The following TECRL variants were observed in gnomAD, a reference collection of about 807,000 sequenced individuals.
TECRL encodes trans-2,3-enoyl-CoA reductase-like.
TECRL carries 63 observed loss-of-function variants against 52.8 expected under a neutral mutation model. That is an observed-to-expected ratio of 1.19 (90% CI 0.97 to 1.47). TECRL has a LOEUF of 1.47. Among genes scored for constraint, TECRL ranks in the 40% most tolerant of loss-of-function variants. TECRL has a pLI of 0.00. For synonymous variants in TECRL, 164 were observed against 141.9 expected (o/e 1.16, Z -1.10); for missense variants, 482 against 429.6 (o/e 1.12, Z -1.08).
At chr4:64,277,176 G>T, downstream of TECRL, 2 of 579,960 alleles carry the variant, frequency 3.4e-6, no homozygotes, top group South Asian at 2.9e-5. Context: ...GGAGCAACTG[G>T]CATAAGGGAG....
intron 5 of TECRL, among the ~76,000 whole-genome samples, chr4:64,313,476 C>CTTTTTT (rs565143298): frequency 3.0e-5 from 2 of 66,334 alleles, no homozygotes; most frequent in African/African-American, 1.1e-4. Flanking sequence ...TGCCTTACTC[C>CTTTTTT]TTTTTTTTTT....
intron 2 of TECRL, among the ~76,000 whole-genome samples, chr4:64,368,041 A>G (rs984145734): frequency 2.6e-5 from 4 of 152,090 alleles, no homozygotes; most frequent in African/African-American, 9.7e-5. Flanking sequence ...CACATATACT[A>G]TGAAAAAGCT....
chr4:64,359,888 G>A (rs1382041335), intron 2 of TECRL, among the ~76,000 whole-genome samples: 2 of 152,090 alleles, frequency 1.3e-5, no homozygotes, highest in African/African-American at 2.4e-5. Context: ...CATTTGCAAT[G>A]CCAAATACAG....
At chr4:64,315,914 A>C (rs2110014917) in intron 4 of TECRL, among the ~76,000 whole-genome samples, 1 of 152,218 alleles carries the variant, frequency 6.6e-6, no homozygotes, top group South Asian at 2.1e-4. Flanking sequence ...TGTGAGAAGT[A>C]AAAACAATGC....
intron 4 of TECRL, among the ~76,000 whole-genome samples, 173 bp from the exon 5 acceptor site, chr4:64,314,936 C>T (rs568469629): frequency 7.9e-5 from 12 of 152,016 alleles, no homozygotes; most frequent in African/African-American, 2.9e-4. Flanking sequence ...GGGGAGAAAG[C>T]CTAATATATG....
chr4:64,385,760 A>G (rs1723137624), intron 1 of TECRL, among the ~76,000 whole-genome samples: 1 of 151,978 alleles, frequency 6.6e-6, no homozygotes, highest in South Asian at 2.1e-4. Flanking sequence ...CTCTGGAATA[A>G]TGTCATCGTG....
intron 1 of TECRL, among the ~76,000 whole-genome samples, chr4:64,375,730 T>C (rs962080212): frequency 6.6e-6 from 1 of 151,862 alleles, no homozygotes; most frequent in African/African-American, 2.4e-5. Flanking sequence ...TAAAGGTCCA[T>C]TAAAATGCAT....
chr4:64,299,478 A>T (rs531311835), intron 8 of TECRL, among the ~76,000 whole-genome samples: 44 of 151,256 alleles, frequency 2.9e-4, no homozygotes, highest in African/African-American at 9.6e-4. Context: ...ACCCAGATTG[A>T]TTTCCACACA....
intron 9 of TECRL, among the ~76,000 whole-genome samples, chr4:64,284,526 G>C (rs547152014): frequency 1.3e-5 from 2 of 152,120 alleles, no homozygotes; most frequent in East Asian, 3.9e-4. Context: ...TGCTGTATCA[G>C]GCTTACTGTA....
At chr4:64,293,973 TATATATAAAATATATATATATA>T (rs1006116694) in intron 8 of TECRL, among the ~76,000 whole-genome samples, 3 of 146,382 alleles carry the variant, frequency 2.0e-5, no homozygotes, top group Non-Finnish European at 4.5e-5. Context: ...GCTACATATA[TATATATAAAATATATATATATA>T]TATTTTTTGG....
chr4:64,326,273 A>T (rs1718257522), intron 3 of TECRL, among the ~76,000 whole-genome samples: 1 of 152,124 alleles, frequency 6.6e-6, no homozygotes, highest in Admixed American at 6.6e-5. Context: ...AACATTAGAA[A>T]TTTTCCCAGT....
At chr4:64,334,538 C>T (rs112405420) in intron 2 of TECRL, among the ~76,000 whole-genome samples, 139 of 152,238 alleles carry the variant, frequency 9.1e-4, no homozygotes, top group Non-Finnish European at 1.6e-3. Flanking sequence ...AACACTGAAA[C>T]CAGCACCAAT....
chr4:64,337,039 C>A (rs1026854245), intron 2 of TECRL, among the ~76,000 whole-genome samples: 1 of 152,120 alleles, frequency 6.6e-6, no homozygotes, highest in Non-Finnish European at 1.5e-5. Flanking sequence ...TGGTGCAGAG[C>A]TGAATTCAAT....
chr4:64,292,264 G>T lies in TECRL; in HGVS notation c.775-2497C>A, dbSNP rs543827927. On this transcript the variant is annotated intron_variant, in intron 8 of 11. Transcript: ENST00000381210. ...GTTTATCTAAATATGTCTTCATTTG[G>T]CATACAGTAAGTTTAAAAAGAAATT... Among the ~76,000 whole-genome samples the T allele has an allele frequency of 2.0e-5, 3 of 151,982 alleles. 1 individual carries two copies. The highest frequency in any genetic ancestry group is 3.9e-4 in the East Asian group (2 of 5,176).
In TECRL at chr4:64,281,078, T is replaced by A. The variant is rs1248837711; in HGVS notation, c.927A>T (p.Ser309=). The change falls in exon 11 of 12, where the codon TCA becomes TCT. Residue 309 remains serine, a synonymous_variant. Transcript: ENST00000381210. ...GTGTCATGACTGTGAAACTAATCCA[T>A]GATCCAATCTGTTATATTAAAACTT... ...SCPNYTYEIG[S]WISFTVMTQT... 6 of 1,601,478 alleles carry A rather than the reference T, an allele frequency of 3.7e-6. No homozygotes were observed. The Admixed American group carries it at 5.1e-5, about 13-fold the overall frequency.
chr4:64,280,256 T>G, intron 11 of TECRL, 57 bp from the exon 12 acceptor site: 1 of 1,237,920 alleles, frequency 8.1e-7, no homozygotes, highest in Non-Finnish European at 1.1e-6. Flanking sequence ...AATGTTATAT[T>G]AGGAAAAGGA....
At chr4:64,347,664 T>C (rs376146825) in intron 2 of TECRL, among the ~76,000 whole-genome samples, 3 of 152,074 alleles carry the variant, frequency 2.0e-5, no homozygotes, top group Admixed American at 1.3e-4. Context: ...TATAAAGCCA[T>C]CATGTGTCAT....
intron 2 of TECRL, among the ~76,000 whole-genome samples, chr4:64,350,150 G>A (rs1720282125): frequency 1.3e-5 from 2 of 152,214 alleles, no homozygotes; most frequent in Non-Finnish European, 2.9e-5. Flanking sequence ...GTACCTTAAT[G>A]TATGGCTAAA....
intron 2 of TECRL, among the ~76,000 whole-genome samples, chr4:64,347,362 G>T (rs1720064108): frequency 6.6e-6 from 1 of 152,154 alleles, no homozygotes; most frequent in African/African-American, 2.4e-5. Context: ...CTGCCCATGT[G>T]ACAACTTTAT....
Sources: gnomAD v4.1 joint callset for allele counts (sites outside exome capture counted in the v4.1 genomes callset) on GRCh38, gnomAD v4.1.1 for gene constraint, MANE v1.5 for transcripts, NCBI Gene and HGNC (gene_info 2026-07-23, HGNC 2026-07-21) for gene names.